RSF1: variants seen among roughly 807,000 people sequenced by gnomAD.
The protein encoded by RSF1 is HBV pX-associated protein 8.
RSF1 carries 13 observed loss-of-function variants against 145.2 expected under a neutral mutation model. That is an observed-to-expected ratio of 0.09 (90% CI 0.06 to 0.14). The LOEUF (loss-of-function observed/expected upper bound fraction) is 0.14, where lower values mean the gene tolerates loss of function less well. RSF1 is among the 10% of genes least tolerant of loss of function. The pLI, the probability that RSF1 is intolerant of heterozygous loss-of-function variation, is 1.00. For missense variants in RSF1, 1,517 were observed against 1,718.2 expected (o/e 0.88, Z 2.07); for synonymous variants, 577 against 592.6 (o/e 0.97, Z 0.38).
At chr11:77,721,055 A>G (rs1960930254) in intron 5 of RSF1, among the ~76,000 whole-genome samples, 1 of 152,226 alleles carries the variant, frequency 6.6e-6, no homozygotes, top group East Asian at 1.9e-4. Context: ...GTTAAGATAC[A>G]AGGCATGGCA....
At chr11:77,817,092 GC>G (rs1948788817) in intron 1 of RSF1, among the ~76,000 whole-genome samples, 1 of 152,140 alleles carries the variant, frequency 6.6e-6, no homozygotes, top group East Asian at 1.9e-4. Flanking sequence ...AGTTTCTAGA[GC>G]AAAGGTTCTC....
chr11:77,757,461 C>T (rs1172784845), intron 2 of RSF1, among the ~76,000 whole-genome samples: 3 of 152,066 alleles, frequency 2.0e-5, no homozygotes, highest in South Asian at 2.1e-4. Flanking sequence ...GGGTGGATCA[C>T]GAGGTCAGGA....
At chr11:77,753,838 C>G (rs879637128) in intron 2 of RSF1, among the ~76,000 whole-genome samples, 1 of 152,182 alleles carries the variant, frequency 6.6e-6, no homozygotes, top group Non-Finnish European at 1.5e-5. Context: ...TGTTGTATGT[C>G]TGATAACCAG....
At chr11:77,861,784 C>T in the RSF1 span, among the ~76,000 whole-genome samples, 6 of 152,266 alleles carry the variant, frequency 3.9e-5, no homozygotes, top group African/African-American at 1.2e-4. Context: ...ATGACTAAAG[C>T]GGTGGCCTTT....
chr11:77,672,855 G>C (rs536798493), intron 14 of RSF1, among the ~76,000 whole-genome samples: 1 of 152,186 alleles, frequency 6.6e-6, no homozygotes, highest in South Asian at 2.1e-4. Flanking sequence ...GCTAATTTTT[G>C]TATTTTTAGT....
At chr11:77,811,246 A>G (rs1948727756) in intron 1 of RSF1, among the ~76,000 whole-genome samples, 1 of 152,258 alleles carries the variant, frequency 6.6e-6, no homozygotes, top group African/African-American at 2.4e-5. Context: ...ATCACAGACT[A>G]GGCTTTAACT....
chr11:77,850,225 TG>T, the RSF1 span, among the ~76,000 whole-genome samples: 1 of 152,022 alleles, frequency 6.6e-6, no homozygotes, highest in African/African-American at 2.4e-5. Flanking sequence ...CGTAAGAAAA[TG>T]TAAGGTCTTC....
chr11:77,831,757 A>C, the RSF1 span: 4 of 147,202 alleles, frequency 2.7e-5, no homozygotes, highest in Non-Finnish European at 4.4e-5. Flanking sequence ...GTGCAGTGGT[A>C]CGATCTTGGC....
intron 6 of RSF1, 45 bp from the exon 7 acceptor site, chr11:77,698,738 T>C (rs756783173): frequency 3.9e-6 from 6 of 1,521,506 alleles, no homozygotes; most frequent in Middle Eastern, 1.7e-4. Flanking sequence ...TATAAGAATG[T>C]CTTTTAAAAA....
At chr11:77,689,680 A>G (rs550950823) in intron 9 of RSF1, among the ~76,000 whole-genome samples, 1 of 152,340 alleles carries the variant, frequency 6.6e-6, no homozygotes, top group East Asian at 1.9e-4. Context: ...TCTCTAATAG[A>G]AGGTGAGTTC....
At chr11:77,729,965 A>G (rs568676904) in intron 4 of RSF1, among the ~76,000 whole-genome samples, 1 of 150,742 alleles carries the variant, frequency 6.6e-6, no homozygotes, top group Admixed American at 6.6e-5. Context: ...AATTAGTAAT[A>G]TCAATAGCAG....
At chr11:77,859,337 CTGA>C in the RSF1 span, among the ~76,000 whole-genome samples, 1 of 152,150 alleles carries the variant, frequency 6.6e-6, no homozygotes, top group African/African-American at 2.4e-5. Context: ...CCTTTCCTTT[CTGA>C]TGACCCCAGC....
intron 5 of RSF1, among the ~76,000 whole-genome samples, chr11:77,722,504 G>A (rs1055042337): frequency 2.6e-5 from 4 of 152,082 alleles, no homozygotes; most frequent in African/African-American, 4.8e-5. Context: ...AAAAACTCCC[G>A]AAGTGAACAC....
intron 1 of RSF1, among the ~76,000 whole-genome samples, chr11:77,776,269 T>A (rs2135950517): frequency 6.6e-6 from 1 of 152,286 alleles, no homozygotes; most frequent in South Asian, 2.1e-4. Context: ...ATTAGAAGAT[T>A]CCTTTATGAT....
chr11:77,772,850 A>AG (rs1300299644), intron 1 of RSF1, among the ~76,000 whole-genome samples: 5 of 87,464 alleles, frequency 5.7e-5, no homozygotes, highest in African/African-American at 1.5e-4. Flanking sequence ...CCAAGATGGA[A>AG]AAAAAAAAAA....
At chr11:77,778,752 T>C (rs1948374115) in intron 1 of RSF1, among the ~76,000 whole-genome samples, 1 of 152,218 alleles carries the variant, frequency 6.6e-6, no homozygotes. Flanking sequence ...GTTGATCATA[T>C]CTTCCTTCTT....
At chr11:77,783,720 G>T (rs1261053364) in intron 1 of RSF1, among the ~76,000 whole-genome samples, 1 of 151,802 alleles carries the variant, frequency 6.6e-6, no homozygotes, top group Admixed American at 6.6e-5. Context: ...TGTGCGTCAG[G>T]AGTCCCAGCT....
At chr11:77,736,805 G>C (rs1216312832) in intron 4 of RSF1, among the ~76,000 whole-genome samples, 1 of 152,130 alleles carries the variant, frequency 6.6e-6, no homozygotes, top group Admixed American at 6.5e-5. Flanking sequence ...GCCTTTCACA[G>C]GTGCCTGCAG....
chr11:77,720,283 A>T (rs1960913914), intron 5 of RSF1, among the ~76,000 whole-genome samples: 1 of 152,238 alleles, frequency 6.6e-6, no homozygotes, highest in Non-Finnish European at 1.5e-5. Flanking sequence ...AATTTAAAAA[A>T]GGACAGTCTT....
Sources: allele counts gnomAD v4.1 joint callset (sites outside exome capture counted in the v4.1 genomes callset), GRCh38; gene constraint gnomAD v4.1.1; transcripts MANE v1.5; gene names NCBI Gene and HGNC (gene_info 2026-07-23, HGNC 2026-07-21).